Variants in MMS19 observed in about 807,000 individuals in gnomAD.
MMS19 encodes MMS19 cytosolic iron-sulfur assembly component, also known as MMS19 nucleotide excision repair protein homolog.
In MMS19, 77 loss-of-function variants were observed where a neutral mutation model predicts 129.8. The observed-to-expected ratio is 0.59, with a 90% CI of 0.49 to 0.72. MMS19 has a LOEUF of 0.72. MMS19 is among the 30% of genes least tolerant of loss of function. The pLI is 0.00. For missense variants in MMS19, 1,168 were observed against 1,266.3 expected, an observed-to-expected ratio of 0.92 and a Z score of 1.18; for synonymous variants, 491 against 502.8, an observed-to-expected ratio of 0.98 and a Z score of 0.31.
chr10:97,468,185 C>A, intron 13 of MMS19, 67 bp downstream of exon 13: 1 of 1,440,192 alleles, frequency 6.9e-7, no homozygotes. Context: ...AAACTTAGCT[C>A]ACTCTCTGAG....
intron 5 of MMS19, 81 bp downstream of exon 5, chr10:97,477,774 G>A: frequency 2.1e-6 from 2 of 938,888 alleles, no homozygotes; most frequent in Non-Finnish European, 3.2e-6. Context: ...AACTTAGAAG[G>A]CAATAATTTT....
Position 97,458,797 on chromosome 10 carries a change from C to A in MMS19, c.3065+3G>T, listed in dbSNP as rs1361625266. On this transcript the variant is annotated splice_donor_region_variant and intron_variant, in intron 30 of 30. Coordinates refer to ENST00000438925, the MANE Select transcript of MMS19 (RefSeq NM_022362.5). The stretch of plus-strand genomic sequence containing the variant: ...CATCTCTCCCCACGACCTAGAAACT[C>A]ACCACTCCCCTCTGGCTGACACTGC... The A allele has an allele frequency of 6.2e-7, 1 of 1,613,966 alleles. No homozygotes were observed. Among genetic ancestry groups the A allele is most frequent in the East Asian group, 2.2e-5 (1 of 44,866 alleles).
At chr10:97,471,010 C>A in intron 8 of MMS19, 149 bp from the exon 9 acceptor site, 1 of 519,200 alleles carries the variant, frequency 1.9e-6, no homozygotes. Flanking sequence ...AGAAGACTTG[C>A]TTGATCTTAG....
intron 18 of MMS19, among the ~76,000 whole-genome samples, chr10:97,464,468 T>C (rs1453728385): frequency 2.6e-5 from 4 of 152,166 alleles, no homozygotes; most frequent in African/African-American, 9.7e-5. Flanking sequence ...GGCAGGCTGC[T>C]GTCACTTTTG....
chr10:97,484,154 G>A lies in MMS19; in HGVS notation c.113-3C>T. 1.3e-6 allele frequency: 2 copies of A among 1,498,090 alleles called. No individual in the cohort carries two copies. The highest frequency in any genetic ancestry group is 1.8e-6 in the Non-Finnish European group (2 of 1,111,968). The allele number at this position is 1,498,090 out of a possible 1,614,324, so 92.8% of individuals were successfully genotyped here. A position where few individuals can be genotyped will look rare whatever the true frequency, so the allele number is the denominator to read the frequency against. ...TGTATAGTTGCCAGATTTCACATCT[G>A]CAGGAAATAAAATAAATAAATATGA... On this transcript the variant is annotated splice_region_variant and splice_polypyrimidine_tract_variant and intron_variant, in intron 1 of 30. Coordinates refer to ENST00000438925, the MANE Select transcript of MMS19 (RefSeq NM_022362.5).
chr10:97,498,176 A>T lies in MMS19; in HGVS notation c.112+97T>A, dbSNP rs571118351. 8.1e-5 allele frequency: 97 copies of T among 1,203,366 alleles called. No homozygotes were observed. The African/African-American group carries it at 1.4e-3, about 17-fold the overall frequency. 74.5% of individuals were successfully genotyped at this position (1,203,366 alleles called of 1,614,324 possible). A position where few individuals can be genotyped will look rare whatever the true frequency, so the allele number is the denominator to read the frequency against. ...ACCAGCCTTGAGACCAATCTCTCAA[A>T]GTCACCCCGCTCCTCCCTTCCCGCC... On this transcript the variant is annotated intron_variant, in intron 1 of 30. Transcript: ENST00000438925.
intron 2 of MMS19, 54 bp from the exon 3 acceptor site, chr10:97,481,096 A>C: frequency 9.1e-7 from 1 of 1,099,840 alleles, no homozygotes; most frequent in East Asian, 2.5e-5. Flanking sequence ...AAATGTTTGA[A>C]GAAATAAACA....
At chr10:97,490,151 T>C (rs897834033) in intron 1 of MMS19, among the ~76,000 whole-genome samples, 1 of 152,110 alleles carries the variant, frequency 6.6e-6, no homozygotes, top group African/African-American at 2.4e-5. Flanking sequence ...CAATCATGGC[T>C]CACTGCAGCC....
intron 2 of MMS19, 50 bp from the exon 3 acceptor site, chr10:97,481,092 T>C (rs2036713045): frequency 8.7e-7 from 1 of 1,148,312 alleles, no homozygotes; most frequent in East Asian, 2.5e-5. Context: ...GTTCAAATGT[T>C]TGAAGAAATA....
In MMS19 at chr10:97,460,027, C is replaced by G. The variant is rs1004957160; in HGVS notation, c.2656+19G>C. 1.9e-6 allele frequency: 3 copies of G among 1,610,500 alleles called. No homozygotes were observed. Among genetic ancestry groups the G allele is most frequent in the African/African-American group, 2.7e-5 (2 of 74,842 alleles). On this transcript the variant is annotated intron_variant, in intron 26 of 30. Transcript: ENST00000438925. The stretch of plus-strand genomic sequence containing the variant: ...AGGAGAGATGTGTATATGTGGGGAC[C>G]TTCTTTCAGACTCCTCACCTTGGGG...
intron 12 of MMS19, among the ~76,000 whole-genome samples, 200 bp downstream of exon 12, chr10:97,468,766 G>A (rs1054774551): frequency 6.6e-6 from 1 of 152,130 alleles, no homozygotes; most frequent in Non-Finnish European, 1.5e-5. Context: ...CCACCACCAC[G>A]CCCGGCTAAT....
Position 97,481,018 on chromosome 10 carries a change from G to A in MMS19, c.186C>T (p.Pro62=). The change falls in exon 3 of 31, where the codon CCC becomes CCT. Residue 62 remains proline (P), a synonymous_variant. Transcript: ENST00000438925. ...ALGSSLENPE[P]RTRARAIQLL... is the part of the protein sequence containing the mutation. ...GCTGGATTGCTCGTGCCCGAGTTCG[G>A]GGTTCTGGATTCTCTAGAGAGGACC... 6.2e-7 allele frequency: 1 copy of A among 1,606,980 alleles called. No homozygotes were observed. The highest frequency in any genetic ancestry group is 8.5e-7 in the Non-Finnish European group (1 of 1,175,984).
intron 1 of MMS19, among the ~76,000 whole-genome samples, chr10:97,489,497 C>T (rs2038503613): frequency 6.6e-6 from 1 of 152,182 alleles, no homozygotes; most frequent in Admixed American, 6.5e-5. Flanking sequence ...TTAATGTTAA[C>T]GTCTTACATG....
At chr10:97,482,737 T>TAC (rs764606344) in intron 2 of MMS19, among the ~76,000 whole-genome samples, 22,924 of 98,062 alleles carry the variant, frequency 0.23, 2,153 homozygotes, top group Non-Finnish European at 0.3. Flanking sequence ...TGTATATATA[T>TAC]ACACACACAC....
At chr10:97,466,213 G>A in intron 16 of MMS19, 54 bp from the exon 17 acceptor site, 1 of 1,420,618 alleles carries the variant, frequency 7.0e-7, no homozygotes, top group Non-Finnish European at 9.7e-7. Flanking sequence ...CAGCTCTCTT[G>A]CCTACGTCTG....
chr10:97,495,254 G>A (rs889673314), intron 1 of MMS19, among the ~76,000 whole-genome samples: 3 of 152,228 alleles, frequency 2.0e-5, no homozygotes, highest in Non-Finnish European at 4.4e-5. Flanking sequence ...GCCAGGTAGT[G>A]GCAGGCTTTG....
Position 97,460,103 on chromosome 10 carries a change from G to T in MMS19, c.2599C>A (p.Arg867=), listed in dbSNP as rs541440772. 6.2e-7 allele frequency: 1 copy of T among 1,614,034 alleles called. No homozygotes were observed. The highest frequency in any genetic ancestry group is 2.2e-5 in the East Asian group (1 of 44,884). Residue 867 remains arginine, a synonymous_variant, in exon 26 of 31, where the codon CGG becomes AGG. Coordinates refer to ENST00000438925, the MANE Select transcript of MMS19 (RefSeq NM_022362.5). ...GCAGGCACATTATCTGTGAAGAACC[G>T]CTGGCGGAACATGATCCGCACTTCG... ...HAEVRIMFRQ[R]FFTDNVPALV...
chr10:97,495,328 GCTT>G (rs1341416003), intron 1 of MMS19, among the ~76,000 whole-genome samples: 1 of 152,208 alleles, frequency 6.6e-6, no homozygotes, highest in Admixed American at 6.5e-5. Flanking sequence ...ATCGCCTGCA[GCTT>G]CTTTACAGCT....
chr10:97,498,613 G>A (rs560598307), upstream of MMS19: 36 of 552,440 alleles, frequency 6.5e-5, no homozygotes, highest in South Asian at 5.3e-4. Context: ...GGCGATTGAG[G>A]GCGAATAATT....
Sources: gnomAD v4.1 joint callset for allele counts (sites outside exome capture counted in the v4.1 genomes callset) on GRCh38, gnomAD v4.1.1 for gene constraint, MANE v1.5 for transcripts, NCBI Gene and HGNC (gene_info 2026-07-23, HGNC 2026-07-21) for gene names.